Variants in IL1RAP observed in about 807,000 individuals in gnomAD.
IL1RAP encodes the protein interleukin 1 receptor accessory protein.
A neutral mutation model predicts 60.7 loss-of-function variants in IL1RAP; 35 were observed. The ratio of observed to expected loss-of-function variants is 0.58; its 90% CI spans 0.44 to 0.76. The LOEUF (loss-of-function observed/expected upper bound fraction) is 0.76, where lower values mean the gene tolerates loss of function less well. Among genes scored for constraint, IL1RAP ranks in the 30% least tolerant of loss-of-function variants. The probability of loss-of-function intolerance (pLI) is 0.00; values close to 1 mark genes in which losing one functional copy is unlikely to be tolerated. For missense variants in IL1RAP, 572 were observed against 693.9 expected (o/e 0.82, Z 1.97); for synonymous variants, 268 against 250.9 (o/e 1.07, Z -0.64).
Position 190,649,732 on chromosome 3 carries a change from A to C in IL1RAP, c.*1027A>C. The C allele has an allele frequency of 2.0e-6, 2 of 985,800 alleles. No homozygotes were observed. The highest frequency in any genetic ancestry group is 2.4e-6 in the Non-Finnish European group (2 of 829,924). 61.1% of individuals were successfully genotyped at this position (985,800 alleles called of 1,614,324 possible). A position where few individuals can be genotyped will look rare whatever the true frequency, so the allele number is the denominator to read the frequency against. ...GGCCTTGAGAGTTGCTTTTGGCATT[A>C]ATATTCTAAGAGAATTAACTGTATT... On this transcript the variant is annotated 3_prime_UTR_variant, in exon 12 of 12. Coordinates refer to ENST00000447382, the MANE Select transcript of IL1RAP (RefSeq NM_002182.4).
chr3:190,540,543 T>G (rs908676953), intron 1 of IL1RAP, among the ~76,000 whole-genome samples: 2 of 152,092 alleles, frequency 1.3e-5, no homozygotes, highest in African/African-American at 4.8e-5. Flanking sequence ...ATTTTCTTTT[T>G]TTTTTCCTCC....
At chr3:190,525,554 A>G (rs1422909433) in intron 1 of IL1RAP, among the ~76,000 whole-genome samples, 2 of 152,210 alleles carry the variant, frequency 1.3e-5, no homozygotes, top group Non-Finnish European at 2.9e-5. Context: ...CCTTGAACAG[A>G]GAGTGAAGGA....
At chr3:190,559,691 A>T (rs1421966394) in intron 2 of IL1RAP, among the ~76,000 whole-genome samples, 1 of 152,098 alleles carries the variant, frequency 6.6e-6, no homozygotes, top group Non-Finnish European at 1.5e-5. Flanking sequence ...AGATTTTCCT[A>T]TTATCTTTCT....
chr3:190,653,732 A>G (rs1734504605), downstream of IL1RAP, among the ~76,000 whole-genome samples: 1 of 152,216 alleles, frequency 6.6e-6, no homozygotes, highest in Admixed American at 6.5e-5. Flanking sequence ...TTATATGGCC[A>G]TACCTCATTT....
At chr3:190,611,388 T>A (rs1172252306) in intron 5 of IL1RAP, among the ~76,000 whole-genome samples, 1 of 152,172 alleles carries the variant, frequency 6.6e-6, no homozygotes, top group Non-Finnish European at 1.5e-5. Context: ...GAATATGTCA[T>A]CCATAAAATC....
intron 1 of IL1RAP, among the ~76,000 whole-genome samples, chr3:190,546,454 G>A (rs1400381837): frequency 6.6e-6 from 1 of 152,182 alleles, no homozygotes; most frequent in Non-Finnish European, 1.5e-5. Context: ...CTTCCCCACA[G>A]CATGCTGGCA....
At chr3:190,614,115 A>G (rs1053518438) in intron 5 of IL1RAP, among the ~76,000 whole-genome samples, 9 of 151,596 alleles carry the variant, frequency 5.9e-5, no homozygotes, top group Admixed American at 3.9e-4. Flanking sequence ...ATTCTTTTTT[A>G]GTTGTTACCA....
intron 3 of IL1RAP, among the ~76,000 whole-genome samples, chr3:190,602,489 A>G (rs1352705979): frequency 6.6e-6 from 1 of 152,190 alleles, no homozygotes; most frequent in Admixed American, 6.5e-5. Context: ...GAATAAAATG[A>G]TGAAAAATAA....
At chr3:190,563,310 CA>C (rs1726072587) in intron 2 of IL1RAP, 1 of 152,084 alleles carries the variant, frequency 6.6e-6, no homozygotes, top group African/African-American at 2.4e-5. Context: ...ATGAGCTGGA[CA>C]AGTTATCAAG....
At chr3:190,588,024 A>G (rs1728614824) in intron 3 of IL1RAP, among the ~76,000 whole-genome samples, 2 of 152,248 alleles carry the variant, frequency 1.3e-5, no homozygotes, top group South Asian at 4.1e-4. Context: ...GATGTGGTGG[A>G]AGAAATAAGG....
chr3:190,575,609 CT>C (rs1329061212), intron 3 of IL1RAP, among the ~76,000 whole-genome samples: 1 of 152,158 alleles, frequency 6.6e-6, no homozygotes, highest in Non-Finnish European at 1.5e-5. Flanking sequence ...GCTTTGAGAA[CT>C]ATGGGGAAAG....
At position 190,522,318 on chromosome 3, in the gene IL1RAP, C is replaced by G. The variant is rs937667525; in HGVS notation, c.-89+8099C>G. The stretch of plus-strand genomic sequence containing the variant: ...CCTTCCTTCCTTCCTTCCTTCCTTC[C>G]TTCCTTCCTTCCTTCCTTCCTTCCT... On this transcript the variant is annotated intron_variant, in intron 1 of 11. Coordinates refer to ENST00000447382, the MANE Select transcript of IL1RAP (RefSeq NM_002182.4). Among the ~76,000 whole-genome samples, 637 of 133,970 alleles carry G rather than the reference C, an allele frequency of 4.8e-3. 4 individuals are homozygous for G. The highest frequency in any genetic ancestry group is 0.02 in the African/African-American group (616 of 30,754). 87.9% of individuals were successfully genotyped at this position (133,970 alleles called of 152,430 possible). A position where few individuals can be genotyped will look rare whatever the true frequency, so the allele number is the denominator to read the frequency against.
At chr3:190,624,044 C>T (rs1481000672) in intron 7 of IL1RAP, among the ~76,000 whole-genome samples, 1 of 152,164 alleles carries the variant, frequency 6.6e-6, no homozygotes, top group African/African-American at 2.4e-5. Flanking sequence ...GTATCACTTA[C>T]AATACATCCA....
At chr3:190,630,585 A>G (rs1732702484) in intron 9 of IL1RAP, among the ~76,000 whole-genome samples, 1 of 152,236 alleles carries the variant, frequency 6.6e-6, no homozygotes, top group Non-Finnish European at 1.5e-5. Context: ...ACTAAATAGC[A>G]AAGGCCTGAA....
downstream of IL1RAP, among the ~76,000 whole-genome samples, chr3:190,653,142 A>G (rs1054564486): frequency 2.0e-5 from 3 of 152,206 alleles, no homozygotes; most frequent in Admixed American, 1.3e-4. Context: ...TTTACACACT[A>G]TTACTCTTAT....
At chr3:190,626,644 A>T (rs944992179) in intron 7 of IL1RAP, among the ~76,000 whole-genome samples, 3 of 151,810 alleles carry the variant, frequency 2.0e-5, no homozygotes, top group African/African-American at 7.3e-5. Flanking sequence ...TCTAGGGCTA[A>T]AAAGAATATT....
downstream of IL1RAP, among the ~76,000 whole-genome samples, chr3:190,653,552 C>G (rs1030140345): frequency 6.6e-6 from 1 of 150,742 alleles, no homozygotes; most frequent in African/African-American, 2.5e-5. Context: ...CTACTAATAA[C>G]TCATCCAGAG....
intron 2 of IL1RAP, among the ~76,000 whole-genome samples, chr3:190,562,200 A>G (rs2108621276): frequency 6.6e-6 from 1 of 152,170 alleles, no homozygotes; most frequent in East Asian, 1.9e-4. Flanking sequence ...TCTTTTTCTC[A>G]CATGTTCCTT....
intron 10 of IL1RAP, 124 bp downstream of exon 10, chr3:190,644,521 ATTAACT>A (rs1247515763): frequency 7.0e-6 from 5 of 716,622 alleles, no homozygotes; most frequent in African/African-American, 1.8e-5. Flanking sequence ...ATTTAAGCAG[ATTAACT>A]TTAATTTCAA....
Sources: gnomAD v4.1 joint callset for allele counts (sites outside exome capture counted in the v4.1 genomes callset) on GRCh38, gnomAD v4.1.1 for gene constraint, MANE v1.5 for transcripts, NCBI Gene and HGNC (gene_info 2026-07-23, HGNC 2026-07-21) for gene names.